The following TMED5 variants were observed in gnomAD, a reference collection of about 807,000 sequenced individuals.
The protein encoded by TMED5 is transmembrane emp24 domain-containing protein 5.
TMED5 carries 27 observed loss-of-function variants against 23.0 expected under a neutral mutation model. The ratio of observed to expected loss-of-function variants is 1.17; its 90% CI spans 0.86 to 1.62. The LOEUF (loss-of-function observed/expected upper bound fraction) is 1.62. Ranked by LOEUF, TMED5 falls within the 40% of genes most tolerant of loss-of-function variation. The probability of loss-of-function intolerance (pLI) is 0.00; values close to 1 mark genes in which losing one functional copy is unlikely to be tolerated. For missense variants in TMED5, 248 were observed against 273.7 expected (o/e 0.91, Z 0.66); for synonymous variants, 97 against 100.8 (o/e 0.96, Z 0.23).
intron 1 of TMED5, among the ~76,000 whole-genome samples, chr1:93,167,144 T>C (rs187184000): frequency 1.3e-5 from 2 of 152,358 alleles, no homozygotes; most frequent in Admixed American, 1.3e-4. Context: ...GCAAGCACCA[T>C]GCCATTTTGG....
At chr1:93,179,988 G>A (rs1649242584) in intron 1 of TMED5, 66 bp downstream of exon 1, 5 of 1,508,466 alleles carry the variant, frequency 3.3e-6, no homozygotes, top group African/African-American at 1.4e-5. Flanking sequence ...TTTCTAAACG[G>A]GTGAGAGGCG....
At chr1:93,171,875 G>C (rs1046263939) in intron 1 of TMED5, among the ~76,000 whole-genome samples, 1 of 152,178 alleles carries the variant, frequency 6.6e-6, no homozygotes, top group African/African-American at 2.4e-5. Flanking sequence ...AGATGGATTT[G>C]TTCCAAGTAT....
chr1:93,177,107 A>C (rs1648943030), intron 1 of TMED5, among the ~76,000 whole-genome samples: 1 of 152,232 alleles, frequency 6.6e-6, no homozygotes. Flanking sequence ...TTAAAAACTA[A>C]CTTTAAGACA....
rs911974210 is a variant in TMED5 at position 93,163,855 on chromosome 1, C to T, written c.190-3629G>A. On this transcript the variant is annotated intron_variant, in intron 1 of 3. Coordinates refer to ENST00000370282, the MANE Select transcript of TMED5 (RefSeq NM_016040.5). ...AAAATTAGCTGGACATGGTGATGCACGCCTGTAATCTCAGGTACCTGGGAG... is the reference window on the plus strand; with the variant it reads ...AAAATTAGCTGGACATGGTGATGCATGCCTGTAATCTCAGGTACCTGGGAG... Among the ~76,000 whole-genome samples, 8 of 151,190 alleles carry T rather than the reference C, an allele frequency of 5.3e-5. No individual in the cohort carries two copies. The East Asian group carries it at 9.8e-4, about 19-fold the overall frequency.
Position 93,156,219 on chromosome 1 carries a change from A to G in TMED5, c.471+81T>C. 1.3e-5 allele frequency: 17 copies of G among 1,329,002 alleles called. 1 individual carries two copies. In the South Asian group the frequency reaches 2.1e-4, roughly 17 times the overall value. The allele number at this position is 1,329,002 out of a possible 1,614,324, so 82.3% of individuals were successfully genotyped here. On this transcript the variant is annotated intron_variant, in intron 3 of 3. Transcript: ENST00000370282. The stretch of plus-strand genomic sequence containing the variant: ...AGATTTTCCTGGATAATGCAGATAA[A>G]ATGCTTAGTTCAGTAACTTATTACC...
intron 1 of TMED5, among the ~76,000 whole-genome samples, chr1:93,177,306 C>T (rs1571286515): frequency 2.0e-5 from 3 of 152,078 alleles, no homozygotes; most frequent in Admixed American, 1.3e-4. Context: ...CAGCCGGGCG[C>T]GGTGGCTCAC....
chr1:93,164,762 A>G (rs966111077), intron 1 of TMED5, among the ~76,000 whole-genome samples: 7 of 152,152 alleles, frequency 4.6e-5, no homozygotes, highest in Non-Finnish European at 8.8e-5. Context: ...CCCATTGGGT[A>G]TGGGTTTGAT....
chr1:93,157,953 T>C (rs922325293), intron 2 of TMED5, among the ~76,000 whole-genome samples: 5 of 151,770 alleles, frequency 3.3e-5, no homozygotes, highest in Admixed American at 3.3e-4. Context: ...TGAAACCCCG[T>C]CTCTACTAAA....
chr1:93,178,793 C>T (rs1381955806), intron 1 of TMED5, among the ~76,000 whole-genome samples: 6 of 152,136 alleles, frequency 3.9e-5, no homozygotes, highest in Non-Finnish European at 8.8e-5. Flanking sequence ...ATAAAAAATT[C>T]TACAACTTTT....
intron 1 of TMED5, among the ~76,000 whole-genome samples, chr1:93,172,215 T>C (rs1366951018): frequency 6.6e-6 from 1 of 152,000 alleles, no homozygotes; most frequent in East Asian, 1.9e-4. Flanking sequence ...CTCGAGCTAA[T>C]GTAATACAAC....
chr1:93,178,549 T>C (rs1014325127), intron 1 of TMED5, among the ~76,000 whole-genome samples: 3 of 152,142 alleles, frequency 2.0e-5, no homozygotes, highest in Non-Finnish European at 1.5e-5. Flanking sequence ...GGATTCTTTC[T>C]TTCTCTTTTA....
rs552622191 is a variant in TMED5, at chr1:93,169,977, A to AATCCTCTC, written c.190-9752_190-9751insGAGAGGAT. On this transcript the variant is annotated intron_variant, in intron 1 of 3. Transcript: ENST00000370282. ...TAGCTACTTGGGAGGCTGAGGTGAG[A>AATCCTCTC]GGATCACTTGAGCCCAGAAGTTCAA... Among the ~76,000 whole-genome samples the AATCCTCTC allele has an allele frequency of 1.3e-4, 20 of 152,016 alleles. No individual in the cohort carries two copies. The South Asian group carries it at 3.7e-3, about 28-fold the overall frequency.
intron 1 of TMED5, among the ~76,000 whole-genome samples, chr1:93,177,208 A>T (rs1300889656): frequency 6.6e-6 from 1 of 152,240 alleles, no homozygotes; most frequent in African/African-American, 2.4e-5. Flanking sequence ...CATCTCACCA[A>T]CACTGTCTAG....
chr1:93,171,035 C>A (rs1648711690), intron 1 of TMED5, among the ~76,000 whole-genome samples: 1 of 152,182 alleles, frequency 6.6e-6, no homozygotes. Context: ...ACTGTGGAAG[C>A]TTTGTTCTCT....
intron 1 of TMED5, among the ~76,000 whole-genome samples, chr1:93,165,543 A>C (rs1377086531): frequency 6.6e-6 from 1 of 152,212 alleles, no homozygotes; most frequent in African/African-American, 2.4e-5. Context: ...TTGCAAATCT[A>C]GGGCAAATTT....
chr1:93,170,868 A>G (rs1184919195), intron 1 of TMED5, among the ~76,000 whole-genome samples: 2 of 152,246 alleles, frequency 1.3e-5, no homozygotes, highest in Non-Finnish European at 2.9e-5. Flanking sequence ...CACATCAATC[A>G]GCACCCTGTC....
At chr1:93,179,017 C>G (rs750369878) in intron 1 of TMED5, among the ~76,000 whole-genome samples, 8 of 152,160 alleles carry the variant, frequency 5.3e-5, no homozygotes, top group Non-Finnish European at 5.9e-5. Context: ...CCCCTACCAC[C>G]ATGACTACAT....
Position 93,180,410 on chromosome 1 carries a change from C to T in TMED5, c.-168G>A, listed in dbSNP as rs1649320852. ...CTCCCTCCGAAAGAGAAGCGCAGTT[C>T]TCCAAAGGGTAGGGACTCTGGGCGG... is the stretch of plus-strand genomic sequence containing the variant. On this transcript the variant is annotated 5_prime_UTR_variant, in exon 1 of 4. Transcript: ENST00000370282. 3 of 1,245,100 alleles carry T rather than the reference C, an allele frequency of 2.4e-6. No homozygotes were observed. Among genetic ancestry groups the T allele is most frequent in the Non-Finnish European group, 2.2e-6 (2 of 903,876 alleles). 77.1% of individuals were successfully genotyped at this position (1,245,100 alleles called of 1,614,324 possible).
Position 93,153,648 on chromosome 1 carries a change from CAAGTTTTTCT to C in TMED5, c.*1012_*1021del, listed in dbSNP as rs1647958789. ...AATTTTATTTTGGATTAGGTTTTCTCAAGTTTTTCTAAATTCTTTCCTGTTTCTGATAATT... is the reference window on the plus strand; with the variant it reads ...AATTTTATTTTGGATTAGGTTTTCTCAAATTCTTTCCTGTTTCTGATAATT... On this transcript the variant is annotated 3_prime_UTR_variant, in exon 4 of 4. Coordinates refer to ENST00000370282, the MANE Select transcript of TMED5 (RefSeq NM_016040.5). 6.6e-6 allele frequency: 1 copy of C among 152,058 alleles called. No individual in the cohort carries two copies. Among genetic ancestry groups the C allele is most frequent in the South Asian group, 2.1e-4 (1 of 4,828 alleles). The allele number at this position is 152,058 out of a possible 1,614,324, so 9.4% of individuals were successfully genotyped here.
Sources: gnomAD v4.1 joint callset for allele counts (sites outside exome capture counted in the v4.1 genomes callset) on GRCh38, gnomAD v4.1.1 for gene constraint, MANE v1.5 for transcripts, NCBI Gene and HGNC (gene_info 2026-07-23, HGNC 2026-07-21) for gene names.